Variants in PALLD observed in about 807,000 individuals in gnomAD.
PALLD encodes the protein palladin, cytoskeletal associated protein, also known as palladin.
Under a neutral mutation model 123.5 loss-of-function variants are expected in PALLD, and 61 were observed. The observed-to-expected ratio is 0.49, with a 90% CI of 0.40 to 0.61. The LOEUF (loss-of-function observed/expected upper bound fraction) is 0.61, where lower values mean the gene tolerates loss of function less well. Among genes scored for constraint, PALLD ranks in the 20% least tolerant of loss-of-function variants. The probability of loss-of-function intolerance (pLI) is 0.00; values close to 1 mark genes in which losing one functional copy is unlikely to be tolerated. For synonymous variants in PALLD, 465 were observed against 496.4 expected, an observed-to-expected ratio of 0.94 and a Z score of 0.84; for missense variants, 1,273 against 1,377.0, an observed-to-expected ratio of 0.92 and a Z score of 1.20.
intron 10 of PALLD, among the ~76,000 whole-genome samples, chr4:168,821,552 A>T (rs1742713476): frequency 6.6e-6 from 1 of 152,160 alleles, no homozygotes; most frequent in African/African-American, 2.4e-5. Flanking sequence ...AGAGAGAAAA[A>T]TTTGAAGAAT....
chr4:168,692,594 A>G (rs548950199), intron 8 of PALLD, among the ~76,000 whole-genome samples: 1 of 152,356 alleles, frequency 6.6e-6, no homozygotes, highest in South Asian at 2.1e-4. Context: ...GCTATTTTAA[A>G]CAACTTTAGA....
At chr4:168,861,004 T>A (rs1354143596) in intron 10 of PALLD, among the ~76,000 whole-genome samples, 4 of 152,226 alleles carry the variant, frequency 2.6e-5, no homozygotes, top group Admixed American at 6.5e-5. Flanking sequence ...CATGACAACA[T>A]CTTTCCCCCA....
At chr4:168,683,442 A>G (rs957442038) in intron 5 of PALLD, among the ~76,000 whole-genome samples, 11 of 152,190 alleles carry the variant, frequency 7.2e-5, no homozygotes, top group Admixed American at 5.2e-4. Context: ...AGCCAAATTT[A>G]TTAGCTCATT....
At chr4:168,861,748 T>G (rs1749507036) in intron 10 of PALLD, among the ~76,000 whole-genome samples, 1 of 152,070 alleles carries the variant, frequency 6.6e-6, no homozygotes, top group African/African-American at 2.4e-5. Flanking sequence ...CATGACCTCC[T>G]GAGCCCAGTT....
chr4:168,739,992 C>T lies in PALLD; in HGVS notation c.1964+28069C>T, dbSNP rs767180491. ...AACAGCCCCTGGTTTGAAAGTTGCA[C>T]GGGATGCTTATATAAACAACAGGCA... On this transcript the variant is annotated intron_variant, in intron 10 of 21. Coordinates refer to ENST00000505667, the MANE Select transcript of PALLD (RefSeq NM_001166108.2). Among the ~76,000 whole-genome samples, 67 of 152,086 alleles carry T rather than the reference C, an allele frequency of 4.4e-4. 1 individual carries two copies. The highest frequency in any genetic ancestry group is 3.6e-3 in the Admixed American group (55 of 15,258).
intron 2 of PALLD, among the ~76,000 whole-genome samples, chr4:168,565,627 G>T (rs1241112152): frequency 6.6e-6 from 1 of 152,070 alleles, no homozygotes; most frequent in Non-Finnish European, 1.5e-5. Flanking sequence ...AAGCCAGGAG[G>T]TCCTCCAGCA....
At chr4:168,529,864 C>T (rs906455099) in intron 2 of PALLD, among the ~76,000 whole-genome samples, 4 of 152,060 alleles carry the variant, frequency 2.6e-5, no homozygotes, top group African/African-American at 9.7e-5. Flanking sequence ...AAAGCATATA[C>T]CTTCTTCACC....
chr4:168,902,391 C>T (rs1756714424), intron 14 of PALLD, among the ~76,000 whole-genome samples: 1 of 152,142 alleles, frequency 6.6e-6, no homozygotes, highest in Non-Finnish European at 1.5e-5. Context: ...GCTATTAATT[C>T]AGCATCTCAG....
At chr4:168,681,540 ATTTTTTTTTTT>A (rs34328020) in intron 4 of PALLD, 142 bp downstream of exon 4, 25 of 340,388 alleles carry the variant, frequency 7.3e-5, no homozygotes, top group Non-Finnish European at 2.7e-5. Context: ...TTGGAACACA[ATTTTTTTTTTT>A]TTTTTTTTTT....
intron 2 of PALLD, among the ~76,000 whole-genome samples, chr4:168,601,767 T>G (rs377315113): frequency 7.2e-5 from 11 of 152,282 alleles, no homozygotes; most frequent in African/African-American, 2.6e-4. Flanking sequence ...ATTCATTCCT[T>G]GCTGGAAAAG....
intron 10 of PALLD, among the ~76,000 whole-genome samples, chr4:168,758,440 A>T (rs974548022): frequency 1.3e-5 from 2 of 152,172 alleles, no homozygotes; most frequent in South Asian, 4.1e-4. Context: ...CACGTCAGGC[A>T]GCCCTTCTAA....
rs776787128 is a variant in PALLD at position 168,668,269 on chromosome 4, A to G, written c.988A>G (p.Ile330Val). 6 of 1,614,194 alleles carry G rather than the reference A, an allele frequency of 3.7e-6. No individual in the cohort carries two copies. In the South Asian group the frequency reaches 6.6e-5, roughly 18 times the overall value. Residue 330 changes from isoleucine to valine, a missense_variant, in exon 3 of 22, where the codon ATC (isoleucine) becomes GTC (valine). By Grantham distance (29) the Ile-to-Val change is conservative (BLOSUM62 3). This residue lies in a region of PALLD where 944 missense variants were observed against 954.5 expected (regional missense o/e 0.99). Coordinates refer to ENST00000505667, the MANE Select transcript of PALLD (RefSeq NM_001166108.2). ...HCEGGDLHTL[I>V]IAEAFEDDTG... is the part of the protein sequence containing the mutation. ...TGAGGGAGGGGACCTCCATACCCTG[A>G]TCATAGCAGAGGCCTTTGAGGACGA... is the stretch of plus-strand genomic sequence containing the variant.
rs1411037509 is a variant in PALLD at position 168,739,181 on chromosome 4, GC to G, written c.1964+27259del. Among the ~76,000 whole-genome samples, 13 of 152,268 alleles carry G rather than the reference GC, an allele frequency of 8.5e-5. No homozygotes were observed. In the South Asian group the frequency reaches 2.7e-3, roughly 32 times the overall value. ...TCTTTATCTATTGGTCCATTGATGA[GC>G]ATTTAGGTTAATTCCATATCTTGGC... On this transcript the variant is annotated intron_variant, in intron 10 of 21. Transcript: ENST00000505667.
chr4:168,600,747 T>A (rs1772559829), intron 2 of PALLD, among the ~76,000 whole-genome samples: 2 of 152,116 alleles, frequency 1.3e-5, no homozygotes, highest in African/African-American at 2.4e-5. Flanking sequence ...GGGGGCAGCA[T>A]CATGATTAAA....
intron 10 of PALLD, among the ~76,000 whole-genome samples, chr4:168,809,310 T>C (rs940707142): frequency 7.5e-6 from 1 of 133,116 alleles, no homozygotes; most frequent in Non-Finnish European, 1.6e-5. Flanking sequence ...AAATTTTCCC[T>C]TATAAATCCT....
At chr4:168,899,526 TA>T (rs1755992047) in intron 14 of PALLD, among the ~76,000 whole-genome samples, 1 of 152,198 alleles carries the variant, frequency 6.6e-6, no homozygotes, top group Admixed American at 6.5e-5. Flanking sequence ...TTGCCTTATA[TA>T]AAGGTAATAA....
rs147289782 is a variant in PALLD, at chr4:168,515,912, A to T, written c.908+3500A>T. Among the ~76,000 whole-genome samples the T allele has an allele frequency of 1.8e-3, 275 of 152,308 alleles. 1 individual carries two copies. The highest frequency in any genetic ancestry group is 3.4e-3 in the Non-Finnish European group (228 of 68,020). ...TTTGCTTTTGAAAGCTGGCATGATGAACCTTACAAATGTGGATAAAGAAGC... is the reference window on the plus strand; with the variant it reads ...TTTGCTTTTGAAAGCTGGCATGATGTACCTTACAAATGTGGATAAAGAAGC... On this transcript the variant is annotated intron_variant, in intron 2 of 21. Coordinates refer to ENST00000505667, the MANE Select transcript of PALLD (RefSeq NM_001166108.2).
At chr4:168,750,743 G>A (rs947364073) in intron 10 of PALLD, among the ~76,000 whole-genome samples, 17 of 152,088 alleles carry the variant, frequency 1.1e-4, no homozygotes, top group African/African-American at 3.6e-4. Flanking sequence ...CTATTTCTGT[G>A]GCCTCCTGTC....
intron 2 of PALLD, among the ~76,000 whole-genome samples, chr4:168,650,901 A>C (rs1777974355): frequency 6.6e-6 from 1 of 152,078 alleles, no homozygotes; most frequent in Admixed American, 6.6e-5. Flanking sequence ...CCTTTATGTA[A>C]AATATGTACA....
Sources: allele counts gnomAD v4.1 joint callset (sites outside exome capture counted in the v4.1 genomes callset), GRCh38; gene constraint gnomAD v4.1.1; regional missense constraint gnomAD v4.1.1; transcripts MANE v1.5; gene names NCBI Gene and HGNC (gene_info 2026-07-23, HGNC 2026-07-21).